Variants in ERBB4 observed in about 807,000 individuals in gnomAD.
ERBB4 encodes receptor tyrosine-protein kinase erbB-4.
In ERBB4, 42 loss-of-function variants were observed where a neutral mutation model predicts 158.0. That is an observed-to-expected ratio of 0.27 (90% CI 0.21 to 0.34). ERBB4 has a LOEUF of 0.34. Among genes scored for constraint, ERBB4 ranks in the 10% least tolerant of loss-of-function variants. The pLI is 1.00. For synonymous variants in ERBB4, 583 were observed against 558.7 expected, an observed-to-expected ratio of 1.04 and a Z score of -0.61; for missense variants, 1,333 against 1,624.1, an observed-to-expected ratio of 0.82 and a Z score of 3.08.
At chr2:212,150,195 T>C (rs1305351875) in intron 1 of ERBB4, among the ~76,000 whole-genome samples, 1 of 152,160 alleles carries the variant, frequency 6.6e-6, no homozygotes, top group Non-Finnish European at 1.5e-5. Context: ...GAGACAATGC[T>C]GCCTCTGAAG....
Position 211,377,421 on chromosome 2 carries a change from T to C in ERBB4, c.*6194A>G, listed in dbSNP as rs2062495035. The C allele has an allele frequency of 2.6e-5, 6 of 232,890 alleles. No homozygotes were observed. Among genetic ancestry groups the C allele is most frequent in the Admixed American group, 1.1e-4 (2 of 17,740 alleles). 14.4% of individuals were successfully genotyped at this position (232,890 alleles called of 1,614,324 possible). A position where few individuals can be genotyped will look rare whatever the true frequency, so the allele number is the denominator to read the frequency against. On this transcript the variant is annotated 3_prime_UTR_variant, in exon 28 of 28. Transcript: ENST00000342788. ...TTTGCACAAATATAACCACTTCTCA[T>C]GATATAGGGAAAGCTCACTAGAGCA... is the stretch of plus-strand genomic sequence containing the variant.
chr2:211,884,720 T>C (rs1456016082), intron 3 of ERBB4, among the ~76,000 whole-genome samples: 1 of 152,196 alleles, frequency 6.6e-6, no homozygotes, highest in Non-Finnish European at 1.5e-5. Flanking sequence ...TCTGTCCAAT[T>C]TCATCAACTC....
intron 17 of ERBB4, among the ~76,000 whole-genome samples, chr2:211,625,742 A>G (rs575881193): frequency 1.3e-5 from 2 of 152,200 alleles, no homozygotes; most frequent in Non-Finnish European, 2.9e-5. Context: ...TGTATAATGA[A>G]TAACTTATGA....
chr2:212,270,806 G>C (rs909446009), intron 1 of ERBB4, among the ~76,000 whole-genome samples: 2 of 151,752 alleles, frequency 1.3e-5, no homozygotes, highest in Non-Finnish European at 2.9e-5. Context: ...GAATGATTGA[G>C]AGGGAGCTAT....
At chr2:211,894,620 C>T (rs1343461993) in intron 3 of ERBB4, among the ~76,000 whole-genome samples, 2 of 152,066 alleles carry the variant, frequency 1.3e-5, no homozygotes, top group African/African-American at 2.4e-5. Context: ...CTGTCATGCA[C>T]AGTTTGAAAA....
chr2:212,093,757 TA>T (rs546268414), intron 2 of ERBB4, among the ~76,000 whole-genome samples: 12 of 152,328 alleles, frequency 7.9e-5, no homozygotes, highest in African/African-American at 2.9e-4. Context: ...AAACACATTA[TA>T]AATATATAAA....
chr2:212,426,557 C>A (rs1341964653), intron 1 of ERBB4, among the ~76,000 whole-genome samples: 1 of 151,986 alleles, frequency 6.6e-6, no homozygotes, highest in Non-Finnish European at 1.5e-5. Context: ...CTGTATGCAC[C>A]ATAAATATAT....
intron 19 of ERBB4, among the ~76,000 whole-genome samples, chr2:211,590,388 T>G (rs574381409): frequency 3.3e-5 from 5 of 152,206 alleles, no homozygotes; most frequent in Admixed American, 3.3e-4. Flanking sequence ...AGGAGTCACA[T>G]AGCTGGAGGC....
intron 20 of ERBB4, among the ~76,000 whole-genome samples, chr2:211,448,927 T>A (rs2064176893): frequency 2.0e-5 from 3 of 152,172 alleles, no homozygotes; most frequent in Non-Finnish European, 2.9e-5. Context: ...TAAACTATGA[T>A]ATTGAAGTAT....
intron 19 of ERBB4, among the ~76,000 whole-genome samples, chr2:211,573,812 T>G (rs967737400): frequency 6.6e-6 from 1 of 152,198 alleles, no homozygotes; most frequent in Non-Finnish European, 1.5e-5. Flanking sequence ...AGACACTCAG[T>G]GCTTTAAGCA....
chr2:212,443,142 T>C (rs1328885702), intron 1 of ERBB4, among the ~76,000 whole-genome samples: 1 of 152,252 alleles, frequency 6.6e-6, no homozygotes, highest in Non-Finnish European at 1.5e-5. Flanking sequence ...TTCTTTCAGC[T>C]GGCAAGGCCA....
At chr2:211,808,373 T>C (rs2076668744) in intron 3 of ERBB4, among the ~76,000 whole-genome samples, 1 of 152,214 alleles carries the variant, frequency 6.6e-6, no homozygotes, top group Admixed American at 6.5e-5. Context: ...GCACCATTTA[T>C]TAAATAGGGA....
At chr2:212,199,880 T>C (rs1307197388) in intron 1 of ERBB4, among the ~76,000 whole-genome samples, 1 of 97,356 alleles carries the variant, frequency 1.0e-5, no homozygotes, top group Non-Finnish European at 2.0e-5. Context: ...GTCCCTAGCA[T>C]GGAGTCAGGC....
intron 1 of ERBB4, among the ~76,000 whole-genome samples, chr2:212,496,295 A>C (rs1690567081): frequency 6.6e-6 from 1 of 151,534 alleles, no homozygotes; most frequent in East Asian, 1.9e-4. Flanking sequence ...AAAAAAAAAC[A>C]AAAAAACAGA....
rs547699253 is a variant in ERBB4, at chr2:212,285,760, T to C, written c.83-160857A>G. ...AAAAATTGATTTATAAAGTAAGAATTTGCATCAATACCTAGCCATACCTAC... is the reference window on the plus strand; with the variant it reads ...AAAAATTGATTTATAAAGTAAGAATCTGCATCAATACCTAGCCATACCTAC... On this transcript the variant is annotated intron_variant, in intron 1 of 27. Coordinates refer to ENST00000342788, the MANE Select transcript of ERBB4 (RefSeq NM_005235.3). Among the ~76,000 whole-genome samples the C allele has an allele frequency of 1.6e-4, 24 of 152,240 alleles. No homozygotes were observed. In the East Asian group the frequency reaches 1.9e-3, roughly 12 times the overall value.
rs1480132706 is a variant in ERBB4, at chr2:211,952,897, T to A, written c.235-5281A>T. On this transcript the variant is annotated intron_variant, in intron 2 of 27. Coordinates refer to ENST00000342788, the MANE Select transcript of ERBB4 (RefSeq NM_005235.3). The stretch of plus-strand genomic sequence containing the variant: ...GAGCAGAAAAAAAAAAATTATAATA[T>A]CATTACATAAGAACTGTTGCTTTTA... Among the ~76,000 whole-genome samples the A allele has an allele frequency of 2.0e-5, 3 of 152,150 alleles. No individual in the cohort carries two copies. The East Asian group carries it at 5.8e-4, about 29-fold the overall frequency.
intron 2 of ERBB4, among the ~76,000 whole-genome samples, chr2:211,954,372 A>C (rs1281650188): frequency 6.6e-6 from 1 of 152,058 alleles, no homozygotes; most frequent in Non-Finnish European, 1.5e-5. Flanking sequence ...CATCAAATCC[A>C]TGTTTATTAC....
chr2:211,847,297 T>C (rs1286527812), intron 3 of ERBB4, among the ~76,000 whole-genome samples: 1 of 152,170 alleles, frequency 6.6e-6, no homozygotes, highest in Non-Finnish European at 1.5e-5. Context: ...TGAATTATCA[T>C]AGTCCTATAT....
intron 1 of ERBB4, among the ~76,000 whole-genome samples, chr2:212,513,088 T>C (rs1228075695): frequency 6.6e-6 from 1 of 152,218 alleles, no homozygotes; most frequent in Non-Finnish European, 1.5e-5. Flanking sequence ...TTCCAGACTT[T>C]AGTTATACTA....
Sources: gnomAD v4.1 joint callset for allele counts (sites outside exome capture counted in the v4.1 genomes callset) on GRCh38, gnomAD v4.1.1 for gene constraint, MANE v1.5 for transcripts, NCBI Gene and HGNC (gene_info 2026-07-23, HGNC 2026-07-21) for gene names.